USP6NL: variants seen among roughly 807,000 people sequenced by gnomAD.
The protein encoded by USP6NL is USP6 N-terminal like, also known as USP6 N-terminal-like protein.
USP6NL carries 26 observed loss-of-function variants against 61.9 expected under a neutral mutation model. That is an observed-to-expected ratio of 0.42 (90% CI 0.31 to 0.58). USP6NL has a LOEUF of 0.58. Among genes scored for constraint, USP6NL ranks in the 20% least tolerant of loss-of-function variants. The pLI, the probability that USP6NL is intolerant of heterozygous loss-of-function variation, is 0.16. For synonymous variants in USP6NL, 432 were observed against 390.1 expected (o/e 1.11, Z -1.27); for missense variants, 1,114 against 1,034.3 (o/e 1.08, Z -1.06).
At chr10:11,503,816 T>C (rs529977934) in intron 6 of USP6NL, among the ~76,000 whole-genome samples, 74 of 152,284 alleles carry the variant, frequency 4.9e-4, no homozygotes, top group Non-Finnish European at 5.3e-4. Context: ...TTTACCAACG[T>C]AGAACGTGAA....
chr10:11,606,768 A>G (rs977305869), intron 1 of USP6NL, among the ~76,000 whole-genome samples: 2 of 151,880 alleles, frequency 1.3e-5, no homozygotes, highest in African/African-American at 2.4e-5. Flanking sequence ...AACATAGAAG[A>G]GGTGAAGACA....
chr10:11,543,816 T>TTG (rs1566170221), intron 2 of USP6NL, among the ~76,000 whole-genome samples: 1 of 128,374 alleles, frequency 7.8e-6, no homozygotes, highest in African/African-American at 2.9e-5. Flanking sequence ...TTTTTTTTTT[T>TTG]TTTTTTTTTT....
Position 11,611,575 on chromosome 10 carries a change from C to A in USP6NL, c.-216G>T. The A allele has an allele frequency of 6.5e-6, 1 of 154,060 alleles. No individual in the cohort carries two copies. Among genetic ancestry groups the A allele is most frequent in the South Asian group, 1.8e-4 (1 of 5,630 alleles). The allele number at this position is 154,060 out of a possible 1,614,324, so 9.5% of individuals were successfully genotyped here. A position where few individuals can be genotyped will look rare whatever the true frequency, so the allele number is the denominator to read the frequency against. On this transcript the variant is annotated 5_prime_UTR_variant, in exon 1 of 15. The change creates a new upstream start codon in the 5' untranslated region. Transcript: ENST00000609104. This position sits in a 1 kb window ranked among gnomAD's most constrained non-coding sequence, Gnocchi z 5.3. ...CAGTGCCCTCCGCCCCATTGTTTCC[C>A]TTCCAAGAGGATCCCGGCGAAGCCG...
intron 6 of USP6NL, among the ~76,000 whole-genome samples, chr10:11,505,299 T>G (rs982832148): frequency 6.6e-6 from 1 of 152,220 alleles, no homozygotes; most frequent in African/African-American, 2.4e-5. Flanking sequence ...TTCTGATTAT[T>G]TATTATGAGC....
At chr10:11,477,033 C>A (rs565199400) in intron 14 of USP6NL, among the ~76,000 whole-genome samples, 1 of 152,060 alleles carries the variant, frequency 6.6e-6, no homozygotes, top group Non-Finnish European at 1.5e-5. Flanking sequence ...CACCACGCCC[C>A]GCTGATTTTT....
In USP6NL at chr10:11,462,913, C is replaced by A. The variant is rs753397488; in HGVS notation, c.2015G>T (p.Gly672Val). Residue 672 changes from glycine (G) to valine (V), a missense_variant, in exon 15 of 15, where the codon GGT becomes GTT. By Grantham distance (109) the Gly-to-Val change is moderately radical. Transcript: ENST00000609104. ...AGAAGCACTGACGGAAAGAGTAGAA[C>A]CATGAGGTCTCCTGGAAGGATTCAG... ...TQLNPSRRPH[G>V]STLSVSASPE... The A allele has an allele frequency of 3.1e-6, 5 of 1,613,500 alleles. No individual in the cohort carries two copies. The highest frequency in any genetic ancestry group is 4.2e-6 in the Non-Finnish European group (5 of 1,179,686).
intron 5 of USP6NL, among the ~76,000 whole-genome samples, chr10:11,512,642 G>T (rs980431835): frequency 4.6e-5 from 7 of 152,160 alleles, no homozygotes; most frequent in Admixed American, 2.0e-4. Context: ...TGGCCACCAT[G>T]AACTATTTGT....
chr10:11,569,209 T>C (rs1259673412), intron 2 of USP6NL, among the ~76,000 whole-genome samples: 1 of 152,214 alleles, frequency 6.6e-6, no homozygotes, highest in African/African-American at 2.4e-5. Flanking sequence ...CTGAAAACGA[T>C]TATCCACCTA....
At chr10:11,541,762 C>T (rs1482444844) in intron 2 of USP6NL, among the ~76,000 whole-genome samples, 2 of 151,944 alleles carry the variant, frequency 1.3e-5, no homozygotes, top group Non-Finnish European at 2.9e-5. Context: ...CAATATCAAG[C>T]AATAAATCAT....
intron 2 of USP6NL, among the ~76,000 whole-genome samples, chr10:11,543,018 GTCA>G (rs1836128909): frequency 6.6e-6 from 1 of 152,012 alleles, no homozygotes; most frequent in Non-Finnish European, 1.5e-5. Context: ...TTAGTGTGAG[GTCA>G]TCAAGAAAGC....
intron 14 of USP6NL, among the ~76,000 whole-genome samples, chr10:11,473,590 G>C (rs1005039503): frequency 2.6e-5 from 4 of 152,182 alleles, no homozygotes; most frequent in African/African-American, 9.7e-5. Context: ...AGAGCAGGCC[G>C]ATTAGAGCTG....
At chr10:11,541,378 T>G (rs1174019771) in intron 2 of USP6NL, among the ~76,000 whole-genome samples, 2 of 150,922 alleles carry the variant, frequency 1.3e-5, no homozygotes, top group Admixed American at 1.3e-4. Flanking sequence ...ATGCTTTATG[T>G]ATATTACCTC....
chr10:11,463,623 C>T lies in USP6NL; in HGVS notation c.1305G>A (p.Ser435=). ...PERAQPPRRK[S]VEEESKKLKD... is the part of the protein sequence containing the mutation. The stretch of plus-strand genomic sequence containing the variant: ...TAAGCTTTTTGCTCTCCTCCTCCAC[C>T]GATTTCCGTCTTGGCGGCTGTGCTC... Residue 435 remains serine, a synonymous_variant, in exon 15 of 15, where the codon TCG becomes TCA. Coordinates refer to ENST00000609104, the MANE Select transcript of USP6NL (RefSeq NM_014688.5). This position sits in a 1 kb window ranked among gnomAD's most constrained non-coding sequence, Gnocchi z 6.3. 1.9e-6 allele frequency: 3 copies of T among 1,613,968 alleles called. No individual in the cohort carries two copies. The highest frequency in any genetic ancestry group is 2.2e-5 in the East Asian group (1 of 44,864).
intron 2 of USP6NL, among the ~76,000 whole-genome samples, chr10:11,566,127 G>A (rs1837142402): frequency 6.6e-6 from 1 of 152,134 alleles, no homozygotes; most frequent in African/African-American, 2.4e-5. Flanking sequence ...AGGGCAGGCT[G>A]GACTCTCTGA....
In USP6NL at chr10:11,518,957, G is replaced by C. The variant is rs563674040; in HGVS notation, c.156-383C>G. On this transcript the variant is annotated intron_variant, in intron 4 of 14. Transcript: ENST00000609104. This position sits in a 1 kb window ranked among gnomAD's most constrained non-coding sequence, Gnocchi z 5.3. ...AGAACATTTCCATCACTGCAGAAAG[G>C]TCCACTGGACAGCACTGCTCCAGAC... Among the ~76,000 whole-genome samples, 95 of 152,296 alleles carry C rather than the reference G, an allele frequency of 6.2e-4. No homozygotes were observed. The highest frequency in any genetic ancestry group is 2.2e-3 in the African/African-American group (90 of 41,560).
chr10:11,579,539 C>T (rs1837668066), intron 2 of USP6NL, among the ~76,000 whole-genome samples: 1 of 152,162 alleles, frequency 6.6e-6, no homozygotes, highest in Non-Finnish European at 1.5e-5. Context: ...ATGCACCCTG[C>T]CTACAGGAAC....
intron 2 of USP6NL, among the ~76,000 whole-genome samples, chr10:11,558,217 C>A (rs904436503): frequency 1.3e-5 from 2 of 152,176 alleles, no homozygotes; most frequent in Non-Finnish European, 2.9e-5. Context: ...GCTCCTTTGT[C>A]CCCCAACTAA....
At chr10:11,593,531 T>A (rs984023544) in intron 2 of USP6NL, among the ~76,000 whole-genome samples, 1 of 152,144 alleles carries the variant, frequency 6.6e-6, no homozygotes, top group Non-Finnish European at 1.5e-5. Context: ...GTGTGATAAA[T>A]GTTAATATGC....
In USP6NL at chr10:11,592,199, G is replaced by A. The variant is rs1838177922; in HGVS notation, c.4+5432C>T. Among the ~76,000 whole-genome samples, 1 of 152,198 alleles carries A rather than the reference G, an allele frequency of 6.6e-6. No individual in the cohort carries two copies. Among genetic ancestry groups the A allele is most frequent in the Admixed American group, 6.5e-5 (1 of 15,278 alleles). On this transcript the variant is annotated intron_variant, in intron 2 of 14. Coordinates refer to ENST00000609104, the MANE Select transcript of USP6NL (RefSeq NM_014688.5). This position sits in a 1 kb window ranked among gnomAD's most constrained non-coding sequence, Gnocchi z 4.7. ...AGAATTACTCACTTTTCTACAGCAAGTGGTCAAAAGAAGATAAATTAGCTA... is the reference window on the plus strand; with the variant it reads ...AGAATTACTCACTTTTCTACAGCAAATGGTCAAAAGAAGATAAATTAGCTA...
Sources: allele counts gnomAD v4.1 joint callset (sites outside exome capture counted in the v4.1 genomes callset), GRCh38; gene constraint gnomAD v4.1.1; non-coding constraint Gnocchi (gnomAD v3.1); transcripts MANE v1.5; gene names NCBI Gene and HGNC (gene_info 2026-07-23, HGNC 2026-07-21).